Variants in USH2A observed in about 807,000 individuals in gnomAD.
USH2A encodes the protein usherin, also known as Usher syndrome 2A (autosomal recessive, mild).
In USH2A, 443 loss-of-function variants were observed where a neutral mutation model predicts 538.9. The ratio of observed to expected loss-of-function variants is 0.82; its 90% CI spans 0.76 to 0.89. The LOEUF is 0.89. USH2A is among the 40% of genes least tolerant of loss of function. The probability of loss-of-function intolerance (pLI) is 0.00; values close to 1 mark genes in which losing one functional copy is unlikely to be tolerated. For synonymous variants in USH2A, 2,413 were observed against 2,273.5 expected, an observed-to-expected ratio of 1.06 and a Z score of -1.75; for missense variants, 6,633 against 6,324.8, an observed-to-expected ratio of 1.05 and a Z score of -1.65.
chr1:216,004,540 A>G (rs933309782), intron 32 of USH2A, among the ~76,000 whole-genome samples: 1 of 152,208 alleles, frequency 6.6e-6, no homozygotes, highest in African/African-American at 2.4e-5. Context: ...TGAACTTGTC[A>G]GCACTAAAGC....
intron 64 of USH2A, among the ~76,000 whole-genome samples, 163 bp downstream of exon 64, chr1:215,670,809 G>A (rs1231096408): frequency 6.6e-6 from 1 of 151,952 alleles, no homozygotes; most frequent in Non-Finnish European, 1.5e-5. Flanking sequence ...CAATGAACAT[G>A]GTTTTTCCTC....
At chr1:216,217,817 CT>C (rs1212660878) in intron 14 of USH2A, among the ~76,000 whole-genome samples, 1 of 151,970 alleles carries the variant, frequency 6.6e-6, no homozygotes, top group South Asian at 2.1e-4. Flanking sequence ...TATTATATTG[CT>C]TTTTTACATC....
intron 29 of USH2A, among the ~76,000 whole-genome samples, 177 bp from the exon 30 acceptor site, chr1:216,070,469 A>G (rs112493664): frequency 3.3e-5 from 5 of 152,276 alleles, no homozygotes; most frequent in African/African-American, 1.2e-4. Flanking sequence ...TGAGCCATTC[A>G]GTTTAAGCGA....
intron 56 of USH2A, among the ~76,000 whole-genome samples, chr1:215,763,963 T>G (rs963790941): frequency 6.6e-6 from 1 of 152,040 alleles, no homozygotes; most frequent in Non-Finnish European, 1.5e-5. Context: ...AGCTTTGGGC[T>G]TAGGTGATAG....
chr1:216,311,176 G>C (rs1438154911), intron 9 of USH2A, among the ~76,000 whole-genome samples: 1 of 152,136 alleles, frequency 6.6e-6, no homozygotes, highest in African/African-American at 2.4e-5. Context: ...TCCCAGGCTG[G>C]GGATGACAGA....
At chr1:215,921,616 C>G (rs555457877) in intron 38 of USH2A, among the ~76,000 whole-genome samples, 118 of 152,128 alleles carry the variant, frequency 7.8e-4, no homozygotes, top group Non-Finnish European at 1.3e-3. Flanking sequence ...AGCATATGAA[C>G]AGTCAGTAGA....
At chr1:215,792,566 G>A (rs1350798024) in intron 50 of USH2A, among the ~76,000 whole-genome samples, 1 of 152,120 alleles carries the variant, frequency 6.6e-6, no homozygotes, top group Non-Finnish European at 1.5e-5. Flanking sequence ...AGCATTTTCT[G>A]AAGACTGCAT....
At chr1:215,652,171 T>C (rs1657105397) in intron 64 of USH2A, among the ~76,000 whole-genome samples, 3 of 152,354 alleles carry the variant, frequency 2.0e-5, no homozygotes, top group East Asian at 3.9e-4. Flanking sequence ...GCCGAGAATG[T>C]ATTACTAGTC....
chr1:216,254,281 A>G (rs1466378311), intron 11 of USH2A, among the ~76,000 whole-genome samples: 1 of 152,156 alleles, frequency 6.6e-6, no homozygotes, highest in East Asian at 1.9e-4. Flanking sequence ...AACTGAAAAT[A>G]CCCAGTTTAC....
chr1:215,779,616 T>C (rs1661563391), intron 55 of USH2A, among the ~76,000 whole-genome samples: 1 of 152,204 alleles, frequency 6.6e-6, no homozygotes, highest in African/African-American at 2.4e-5. Flanking sequence ...ATAATGCATA[T>C]CAAGGCCAAA....
intron 9 of USH2A, among the ~76,000 whole-genome samples, chr1:216,310,620 G>C (rs1179197252): frequency 6.6e-6 from 1 of 152,064 alleles, no homozygotes; most frequent in African/African-American, 2.4e-5. Context: ...CATTCTGATG[G>C]TGAGAGCTAC....
intron 4 of USH2A, among the ~76,000 whole-genome samples, chr1:216,351,420 G>A (rs1019705679): frequency 2.6e-5 from 4 of 152,126 alleles, no homozygotes; most frequent in Admixed American, 6.6e-5. Flanking sequence ...AAAGAACAGC[G>A]AATGGTATCA....
intron 3 of USH2A, among the ~76,000 whole-genome samples, chr1:216,387,308 A>G (rs2039024248): frequency 6.6e-6 from 1 of 152,204 alleles, no homozygotes; most frequent in Non-Finnish European, 1.5e-5. Flanking sequence ...CTCAAGGACA[A>G]TGACATTTTG....
chr1:215,679,333 A>C (rs900094753), intron 62 of USH2A, among the ~76,000 whole-genome samples: 4 of 152,284 alleles, frequency 2.6e-5, no homozygotes, highest in Admixed American at 6.5e-5. Flanking sequence ...AGTGGCAAAG[A>C]AAAGGGTAGT....
intron 50 of USH2A, among the ~76,000 whole-genome samples, chr1:215,793,510 T>C (rs192454030): frequency 6.3e-4 from 96 of 152,106 alleles, no homozygotes; most frequent in Non-Finnish European, 1.1e-3. Flanking sequence ...GAGGGTAGAG[T>C]AAAAATGCTC....
intron 21 of USH2A, among the ~76,000 whole-genome samples, chr1:216,111,638 T>A (rs1177319186): frequency 6.6e-6 from 1 of 151,230 alleles, no homozygotes; most frequent in Non-Finnish European, 1.5e-5. Flanking sequence ...CAAAGATGTA[T>A]AAATAACTGC....
intron 25 of USH2A, among the ~76,000 whole-genome samples, 180 bp from the exon 26 acceptor site, chr1:216,083,766 T>C (rs2032025542): frequency 6.6e-6 from 1 of 152,128 alleles, no homozygotes; most frequent in African/African-American, 2.4e-5. Context: ...GACCTTGATA[T>C]ACTAAGAAAG....
At chr1:215,648,160 G>C (rs1179431077) in intron 66 of USH2A, among the ~76,000 whole-genome samples, 1 of 152,188 alleles carries the variant, frequency 6.6e-6, no homozygotes, top group African/African-American at 2.4e-5. Context: ...GGGCAATTCT[G>C]ATTTAACTGT....
chr1:216,269,831 C>A (rs1056876189), intron 11 of USH2A, among the ~76,000 whole-genome samples: 1 of 152,064 alleles, frequency 6.6e-6, no homozygotes, highest in African/African-American at 2.4e-5. Flanking sequence ...CACAGTCAAC[C>A]GGGTGACAAT....
Sources: allele counts gnomAD v4.1 joint callset (sites outside exome capture counted in the v4.1 genomes callset), GRCh38; gene constraint gnomAD v4.1.1; transcripts MANE v1.5; gene names NCBI Gene and HGNC (gene_info 2026-07-23, HGNC 2026-07-21).